The following RPS6KC1 variants were observed in gnomAD, a reference collection of about 807,000 sequenced individuals.
RPS6KC1 encodes ribosomal protein S6 kinase C1, also known as inactive ribosomal protein S6 kinase delta-1.
Under a neutral mutation model 103.8 loss-of-function variants are expected in RPS6KC1, and 54 were observed. The ratio of observed to expected loss-of-function variants is 0.52; its 90% CI spans 0.42 to 0.65. The LOEUF is 0.65. Among genes scored for constraint, RPS6KC1 ranks in the 30% least tolerant of loss-of-function variants. The pLI is 0.00. For missense variants in RPS6KC1, 1,151 were observed against 1,253.8 expected, an observed-to-expected ratio of 0.92 and a Z score of 1.24; for synonymous variants, 439 against 438.7, an observed-to-expected ratio of 1.00 and a Z score of -0.01.
chr1:213,160,113 CTCTCT>C (rs1268154012), intron 6 of RPS6KC1, among the ~76,000 whole-genome samples: 3 of 152,204 alleles, frequency 2.0e-5, no homozygotes, highest in Non-Finnish European at 4.4e-5. Flanking sequence ...CTTATTTGTT[CTCTCT>C]TATGAAGTAT....
rs1156329755 is a variant in RPS6KC1, at chr1:213,205,535, T to TA, written c.1045-24962_1045-24961insA. 9.8e-4 allele frequency: 106 copies of TA among 108,280 alleles called. 1 individual carries two copies. Among genetic ancestry groups the TA allele is most frequent in the East Asian group, 7.0e-3 (29 of 4,142 alleles). The allele number at this position is 108,280 out of a possible 1,614,324, so 6.7% of individuals were successfully genotyped here. A position where few individuals can be genotyped will look rare whatever the true frequency, so the allele number is the denominator to read the frequency against. ...GATAATGTTAATAACAACAAACTCA[T>TA]TTATATATATAGATATATATATATA... On this transcript the variant is annotated intron_variant, in intron 8 of 14. Transcript: ENST00000366960.
At chr1:213,511,441 A>C in the RPS6KC1 span, among the ~76,000 whole-genome samples, 1 of 152,114 alleles carries the variant, frequency 6.6e-6, no homozygotes, top group Non-Finnish European at 1.5e-5. Flanking sequence ...AGGTGGGGAG[A>C]GGTGTCCTGT....
At chr1:213,201,059 C>T (rs973916409) in intron 8 of RPS6KC1, among the ~76,000 whole-genome samples, 2 of 152,204 alleles carry the variant, frequency 1.3e-5, no homozygotes, top group Non-Finnish European at 2.9e-5. Context: ...ATCTGTACAA[C>T]AGACCCCCTT....
chr1:213,536,294 G>T, the RPS6KC1 span, among the ~76,000 whole-genome samples: 31 of 152,164 alleles, frequency 2.0e-4, no homozygotes, highest in African/African-American at 5.5e-4. Flanking sequence ...CCTTTTGAAG[G>T]TTTTGTTAAG....
chr1:213,239,107 G>GA (rs2094293218), intron 10 of RPS6KC1, among the ~76,000 whole-genome samples: 1 of 152,032 alleles, frequency 6.6e-6, no homozygotes, highest in East Asian at 1.9e-4. Context: ...CATTAGCTAA[G>GA]AAAAAAATGA....
At chr1:213,201,187 C>T (rs1484108908) in intron 8 of RPS6KC1, among the ~76,000 whole-genome samples, 9 of 152,058 alleles carry the variant, frequency 5.9e-5, no homozygotes, top group Non-Finnish European at 1.0e-4. Flanking sequence ...TTCATAATTG[C>T]CAAAATGTGG....
At chr1:213,786,586 C>A in the RPS6KC1 span, among the ~76,000 whole-genome samples, 1 of 152,146 alleles carries the variant, frequency 6.6e-6, no homozygotes, top group African/African-American at 2.4e-5. Context: ...ATAAGGAAAT[C>A]TCATCTGCTA....
intron 6 of RPS6KC1, among the ~76,000 whole-genome samples, chr1:213,151,931 A>AC (rs1375259847): frequency 2.4e-5 from 2 of 84,604 alleles, no homozygotes; most frequent in Non-Finnish European, 4.7e-5. Flanking sequence ...CGGGGGGCTG[A>AC]CCCCCCCACC....
chr1:213,054,836 T>G (rs2077207929), intron 1 of RPS6KC1, among the ~76,000 whole-genome samples: 1 of 152,208 alleles, frequency 6.6e-6, no homozygotes, highest in Admixed American at 6.5e-5. Context: ...CTATTCAGAA[T>G]TGGAAAATTC....
chr1:213,088,224 C>T (rs1249705734), intron 3 of RPS6KC1, among the ~76,000 whole-genome samples: 2 of 152,164 alleles, frequency 1.3e-5, no homozygotes, highest in Non-Finnish European at 2.9e-5. Flanking sequence ...CCCAACCACA[C>T]CTTCTCTACA....
At chr1:213,266,227 G>A (rs944327956) in intron 14 of RPS6KC1, among the ~76,000 whole-genome samples, 3 of 152,130 alleles carry the variant, frequency 2.0e-5, no homozygotes, top group African/African-American at 7.2e-5. Context: ...TTCCAAAAAA[G>A]TAGTGGACTG....
chr1:213,305,580 G>A, the RPS6KC1 span, among the ~76,000 whole-genome samples: 9 of 152,206 alleles, frequency 5.9e-5, no homozygotes, highest in Non-Finnish European at 8.8e-5. Flanking sequence ...CTCAGTGGAA[G>A]GGAGATGGTG....
chr1:213,081,094 A>G (rs2079836037), intron 3 of RPS6KC1, among the ~76,000 whole-genome samples: 1 of 152,208 alleles, frequency 6.6e-6, no homozygotes, highest in Admixed American at 6.5e-5. Flanking sequence ...CCAGCCTCCA[A>G]GATAGCCTCC....
chr1:213,493,481 G>A, the RPS6KC1 span, among the ~76,000 whole-genome samples: 223 of 152,118 alleles, frequency 1.5e-3, 1 homozygote, highest in Non-Finnish European at 2.4e-3. Flanking sequence ...GAAGTGAAGC[G>A]ATACTGACCA....
chr1:213,422,027 G>T, the RPS6KC1 span, among the ~76,000 whole-genome samples: 1 of 152,098 alleles, frequency 6.6e-6, no homozygotes, highest in South Asian at 2.1e-4. Flanking sequence ...TTTTATTGTG[G>T]CAAAATATAC....
the RPS6KC1 span, among the ~76,000 whole-genome samples, chr1:213,577,018 A>G: frequency 6.6e-6 from 1 of 152,216 alleles, no homozygotes; most frequent in Non-Finnish European, 1.5e-5. Flanking sequence ...GCCAAAGCCT[A>G]ATCCAGAGAA....
At chr1:213,682,442 G>T in the RPS6KC1 span, among the ~76,000 whole-genome samples, 1 of 152,206 alleles carries the variant, frequency 6.6e-6, no homozygotes, top group Non-Finnish European at 1.5e-5. Flanking sequence ...TCTATGGAGG[G>T]AAATGATAAT....
chr1:213,556,948 C>T, the RPS6KC1 span, among the ~76,000 whole-genome samples: 6 of 152,296 alleles, frequency 3.9e-5, no homozygotes, highest in South Asian at 4.1e-4. Flanking sequence ...GTTATTCCCT[C>T]TCTCAGAATT....
chr1:213,844,001 GA>G, the RPS6KC1 span, among the ~76,000 whole-genome samples: 15,352 of 144,412 alleles, frequency 0.11, 2,056 homozygotes, highest in African/African-American at 0.31. Context: ...CAGCTAGGGG[GA>G]AAAAAAAAAA....
Sources: gnomAD v4.1 joint callset for allele counts (sites outside exome capture counted in the v4.1 genomes callset) on GRCh38, gnomAD v4.1.1 for gene constraint, MANE v1.5 for transcripts, NCBI Gene and HGNC (gene_info 2026-07-23, HGNC 2026-07-21) for gene names.